SYNE3: variants seen among roughly 807,000 people sequenced by gnomAD.
SYNE3 encodes spectrin repeat containing nuclear envelope family member 3.
In SYNE3, 100 loss-of-function variants were observed where a neutral mutation model predicts 111.2. That is an observed-to-expected ratio of 0.90 (90% confidence interval 0.77 to 1.06). SYNE3 has a LOEUF of 1.06. Among genes scored for constraint, SYNE3 ranks in the 50% least tolerant of loss-of-function variants. SYNE3 has a pLI of 0.00. For synonymous variants in SYNE3, 547 were observed against 533.9 expected (o/e 1.02, Z -0.34); for missense variants, 1,160 against 1,240.3 (o/e 0.94, Z 0.97).
In SYNE3 at chr14:95,408,293, T is replaced by A. The variant is rs1292296737; in HGVS notation, c.*9533A>T. On this transcript the variant is annotated 3_prime_UTR_variant, in exon 18 of 18. Transcript: ENST00000682763. ...CGTAATCGTTCCTCCAAAGCTGGTA[T>A]TGGAAACTTGCCATTTTCCCAACAC... The A allele has an allele frequency of 1.3e-5, 2 of 151,778 alleles. No individual in the cohort carries two copies. The highest frequency in any genetic ancestry group is 3.9e-4 in the East Asian group (2 of 5,080). The allele number at this position is 151,778 out of a possible 1,614,324, so 9.4% of individuals were successfully genotyped here.
chr14:95,492,516 G>T (rs1047514868), intron 1 of SYNE3, among the ~76,000 whole-genome samples: 1 of 152,236 alleles, frequency 6.6e-6, no homozygotes, highest in Admixed American at 6.5e-5. Flanking sequence ...AGTCACAAAG[G>T]TCCCATGTAT....
In SYNE3 at chr14:95,443,211, G is replaced by A. The variant is rs746617485; in HGVS notation, c.1855C>T (p.Gln619Ter). The A allele has an allele frequency of 2.5e-6, 4 of 1,614,218 alleles. No homozygotes were observed. The highest frequency in any genetic ancestry group is 1.3e-5 in the African/African-American group (1 of 75,070). ...GAGGAAAGCTGGTCCATTTTGTGCT[G>A]GTGGTTGGGGTTCTCCTGGACCAGA... Reference protein sequence around the residue: ...RPLVQENPNHQHKMDQLSSDF... With the variant: ...RPLVQENPNH Residue 619 changes from glutamine to a stop codon, truncating the protein, a stop_gained, in exon 11 of 18, where the codon CAG becomes TAG. Coordinates refer to ENST00000682763, the MANE Select transcript of SYNE3 (RefSeq NM_152592.6). LOFTEE classifies it high-confidence loss of function.
intron 3 of SYNE3, 114 bp downstream of exon 3, chr14:95,467,681 T>TC (rs1888273092): frequency 7.8e-7 from 1 of 1,282,184 alleles, no homozygotes. Context: ...GAATATCCTG[T>TC]CCCCCAGAAT....
chr14:95,449,861 G>A, intron 8 of SYNE3, 70 bp downstream of exon 8: 1 of 1,513,676 alleles, frequency 6.6e-7, no homozygotes, highest in Non-Finnish European at 8.9e-7. Context: ...TCCCCTGGGA[G>A]AGAGACTGAA....
At chr14:95,468,024 C>T in intron 2 of SYNE3, 57 bp from the exon 3 acceptor site, 1 of 1,555,058 alleles carries the variant, frequency 6.4e-7, no homozygotes, top group Non-Finnish European at 8.7e-7. Flanking sequence ...CAGGCACAAC[C>T]TTGGGAAGAT....
rs749054497 is a variant in SYNE3 at position 95,450,051 on chromosome 14, C to G, written c.1329G>C (p.Gln443His). Residue 443 changes from glutamine (Q) to histidine (H), a missense_variant, in exon 8 of 18, where the codon CAG (glutamine) becomes CAC (histidine). Transcript: ENST00000682763. ...GATCCTGCAGAGGCCGCTGGAAATG[C>G]TGCCACAGCTCCACCGCCGCGGCAT... ...LRNAAAVELW[Q>H]HFQRPLQDLQ... is the part of the protein sequence containing the mutation. 19 of 1,567,034 alleles carry G rather than the reference C, an allele frequency of 1.2e-5. No homozygotes were observed. The Admixed American group carries it at 3.3e-4, about 28-fold the overall frequency.
chr14:95,416,187 T>G lies in SYNE3; in HGVS notation c.*1639A>C, dbSNP rs890721744. ...CGGGTTTCCTGCCGGTGAAATGTCC[T>G]AGTTGCCTAGGACCCGGGTCCCCAA... On this transcript the variant is annotated 3_prime_UTR_variant, in exon 18 of 18. Coordinates refer to ENST00000682763, the MANE Select transcript of SYNE3 (RefSeq NM_152592.6). The G allele has an allele frequency of 6.6e-6, 1 of 151,992 alleles. No individual in the cohort carries two copies. Among genetic ancestry groups the G allele is most frequent in the Non-Finnish European group, 1.5e-5 (1 of 68,014 alleles). The allele number at this position is 151,992 out of a possible 1,614,324, so 9.4% of individuals were successfully genotyped here.
At chr14:95,513,410 T>A (rs1890791247) in intron 1 of SYNE3, among the ~76,000 whole-genome samples, 1 of 152,162 alleles carries the variant, frequency 6.6e-6, no homozygotes, top group Non-Finnish European at 1.5e-5. Context: ...ACTCTGGTGT[T>A]ACAATGATAG....
rs1224501280 is a variant in SYNE3 at position 95,453,155 on chromosome 14, GCTGTTTCCTCTT to G, written c.1138-784_1138-773del. 6.6e-5 allele frequency among the ~76,000 whole-genome samples: 10 copies of G among 152,244 alleles called. No homozygotes were observed. In the East Asian group the frequency reaches 1.9e-3, roughly 29 times the overall value. ...GTCTTTTCCTAGCTGTGCACTTTGG[GCTGTTTCCTCTT>G]TGATAAATGGGGCCACTCTCACCAA... On this transcript the variant is annotated intron_variant, in intron 6 of 17. Transcript: ENST00000682763.
chr14:95,513,203 T>C (rs1344120920), intron 1 of SYNE3, among the ~76,000 whole-genome samples: 1 of 152,218 alleles, frequency 6.6e-6, no homozygotes, highest in Non-Finnish European at 1.5e-5. Context: ...TGGTAATGCT[T>C]GGCTTTTATT....
At chr14:95,472,048 C>G (rs942317472) in intron 2 of SYNE3, among the ~76,000 whole-genome samples, 1 of 152,120 alleles carries the variant, frequency 6.6e-6, no homozygotes, top group Admixed American at 6.6e-5. Context: ...CAGGAGAGAC[C>G]GCAAAGTAGT....
chr14:95,475,493 A>G (rs946138157), intron 2 of SYNE3, among the ~76,000 whole-genome samples, 185 bp downstream of exon 2: 2 of 152,190 alleles, frequency 1.3e-5, no homozygotes, highest in Middle Eastern at 3.2e-3. Context: ...CTCGGACTTC[A>G]CCTCCATGAC....
At chr14:95,449,400 T>C in intron 8 of SYNE3, 1 of 982,510 alleles carries the variant, frequency 1.0e-6, no homozygotes, top group Non-Finnish European at 1.2e-6. Flanking sequence ...GAGAGCCCTG[T>C]GCATCCGCGG....
chr14:95,482,394 A>G (rs1889316127), intron 1 of SYNE3, among the ~76,000 whole-genome samples: 1 of 152,216 alleles, frequency 6.6e-6, no homozygotes, highest in African/African-American at 2.4e-5. Context: ...AGATTGCGCC[A>G]CTGCACTCCA....
At chr14:95,508,296 G>A (rs576678047) in intron 1 of SYNE3, among the ~76,000 whole-genome samples, 1 of 152,214 alleles carries the variant, frequency 6.6e-6, no homozygotes, top group South Asian at 2.1e-4. Context: ...GCACTGAACA[G>A]GTATGAGCTG....
At chr14:95,486,925 G>A (rs560590079) in intron 1 of SYNE3, among the ~76,000 whole-genome samples, 1 of 152,276 alleles carries the variant, frequency 6.6e-6, no homozygotes, top group East Asian at 1.9e-4. Context: ...CCTCAAGGAC[G>A]GTGCCTCCTG....
Position 95,500,396 on chromosome 14 carries a change from G to A in SYNE3, c.-15+16200C>T, listed in dbSNP as rs1235272709. On this transcript the variant is annotated intron_variant, in intron 1 of 17. Transcript: ENST00000682763. This position sits in a 1 kb window ranked among gnomAD's most constrained non-coding sequence, Gnocchi z 4.7. ...GCTCTCTATGGATCCCAACCTGAAG[G>A]GGCTACCCTCAGGAGTGAGTGATAC... Among the ~76,000 whole-genome samples the A allele has an allele frequency of 6.6e-6, 1 of 152,170 alleles. No homozygotes were observed. Among genetic ancestry groups the A allele is most frequent in the Non-Finnish European group, 1.5e-5 (1 of 68,030 alleles).
intron 17 of SYNE3, among the ~76,000 whole-genome samples, chr14:95,419,036 G>T (rs1370234633): frequency 6.6e-6 from 1 of 152,088 alleles, no homozygotes; most frequent in African/African-American, 2.4e-5. Context: ...AAGTCCAAAT[G>T]CCTAATGGAC....
At position 95,409,523 on chromosome 14, in the gene SYNE3, G is replaced by T. The variant is rs1225799406; in HGVS notation, c.*8303C>A. The T allele has an allele frequency of 2.5e-6, 1 of 397,498 alleles. No homozygotes were observed. The highest frequency in any genetic ancestry group is 5.0e-6 in the Non-Finnish European group (1 of 201,864). The allele number at this position is 397,498 out of a possible 1,614,324, so 24.6% of individuals were successfully genotyped here. A position where few individuals can be genotyped will look rare whatever the true frequency, so the allele number is the denominator to read the frequency against. ...CCCTCCTTATGATTGCTGTCTCTCG[G>T]CTGGACAAGGTGGTTGGGTTGGGGA... On this transcript the variant is annotated 3_prime_UTR_variant, in exon 18 of 18. Coordinates refer to ENST00000682763, the MANE Select transcript of SYNE3 (RefSeq NM_152592.6).
Sources: allele counts gnomAD v4.1 joint callset (sites outside exome capture counted in the v4.1 genomes callset), GRCh38; gene constraint gnomAD v4.1.1; non-coding constraint Gnocchi (gnomAD v3.1); transcripts MANE v1.5; gene names NCBI Gene and HGNC (gene_info 2026-07-23, HGNC 2026-07-21).